The following SNX29 variants were observed in gnomAD, a reference collection of about 807,000 sequenced individuals.
SNX29 encodes the protein sorting nexin 29, also known as sorting nexin-29.
In SNX29, 78 loss-of-function variants were observed where a neutral mutation model predicts 102.1. The observed-to-expected ratio is 0.76, with a 90% CI of 0.64 to 0.92. The LOEUF (loss-of-function observed/expected upper bound fraction) is 0.92. Among genes scored for constraint, SNX29 ranks in the 40% least tolerant of loss-of-function variants. The pLI, the probability that SNX29 is intolerant of heterozygous loss-of-function variation, is 0.00. For missense variants in SNX29, 1,280 were observed against 1,061.7 expected, an observed-to-expected ratio of 1.21 and a Z score of -2.86; for synonymous variants, 580 against 414.5, an observed-to-expected ratio of 1.40 and a Z score of -4.85.
At chr16:12,035,062 T>C (rs930468473) in intron 4 of SNX29, among the ~76,000 whole-genome samples, 13 of 152,098 alleles carry the variant, frequency 8.5e-5, no homozygotes, top group African/African-American at 2.7e-4. Context: ...TGTCAGTTTT[T>C]AGATCACAGT....
intron 20 of SNX29, among the ~76,000 whole-genome samples, chr16:12,566,170 CT>C (rs2078997127): frequency 6.6e-6 from 1 of 152,212 alleles, no homozygotes; most frequent in Non-Finnish European, 1.5e-5. Flanking sequence ...TAGTTGGTGG[CT>C]TTAGGTAGCC....
At chr16:12,489,893 C>T (rs985877619) in intron 19 of SNX29, among the ~76,000 whole-genome samples, 3 of 152,124 alleles carry the variant, frequency 2.0e-5, no homozygotes, top group Non-Finnish European at 4.4e-5. Flanking sequence ...GCAACCTCTA[C>T]CTCCTGGGTT....
At chr16:12,061,277 G>A (rs574277340) in intron 8 of SNX29, among the ~76,000 whole-genome samples, 21 of 152,298 alleles carry the variant, frequency 1.4e-4, no homozygotes, top group African/African-American at 4.1e-4. Flanking sequence ...AGTATTCACT[G>A]GCTCTTTTGC....
intron 19 of SNX29, among the ~76,000 whole-genome samples, chr16:12,512,734 G>T (rs116423488): frequency 2.4e-4 from 36 of 152,030 alleles, no homozygotes; most frequent in African/African-American, 8.2e-4. Flanking sequence ...GGACAACTAG[G>T]TGCTGTTCAC....
intron 15 of SNX29, among the ~76,000 whole-genome samples, chr16:12,325,901 T>C (rs1409209519): frequency 6.6e-6 from 1 of 152,056 alleles, no homozygotes; most frequent in Non-Finnish European, 1.5e-5. Flanking sequence ...TGGGGGCATG[T>C]ACCCGTAGTT....
chr16:12,050,807 G>T (rs1254714962), intron 7 of SNX29, among the ~76,000 whole-genome samples: 1 of 151,838 alleles, frequency 6.6e-6, no homozygotes, highest in African/African-American at 2.4e-5. Flanking sequence ...TGCCTCCCGT[G>T]TTCAAGAAAT....
chr16:12,441,186 C>T (rs547515537), intron 18 of SNX29, among the ~76,000 whole-genome samples: 26 of 150,332 alleles, frequency 1.7e-4, no homozygotes, highest in African/African-American at 6.4e-4. Flanking sequence ...CTCCTGGGTT[C>T]CCGCCATTCT....
chr16:12,126,176 C>T (rs907057049), intron 11 of SNX29, among the ~76,000 whole-genome samples: 1 of 152,212 alleles, frequency 6.6e-6, no homozygotes, highest in Non-Finnish European at 1.5e-5. Flanking sequence ...ATACGGCTAC[C>T]TTATCTCCAT....
At chr16:12,306,905 G>A (rs1218496319) in intron 15 of SNX29, among the ~76,000 whole-genome samples, 1 of 152,176 alleles carries the variant, frequency 6.6e-6, no homozygotes, top group Admixed American at 6.5e-5. Flanking sequence ...TGCCATAAGA[G>A]AGGGCTTCGG....
intron 20 of SNX29, among the ~76,000 whole-genome samples, chr16:12,557,030 C>A (rs865828366): frequency 7.6e-6 from 1 of 131,230 alleles, no homozygotes; most frequent in African/African-American, 2.8e-5. Context: ...CCCCCCGCCC[C>A]AAGATGAGGT....
At chr16:12,400,796 A>G (rs1395488396) in intron 17 of SNX29, among the ~76,000 whole-genome samples, 1 of 152,064 alleles carries the variant, frequency 6.6e-6, no homozygotes. Flanking sequence ...CTACAATAAG[A>G]CTTGACTTCA....
chr16:12,532,900 C>T (rs2076970206), intron 20 of SNX29, among the ~76,000 whole-genome samples: 1 of 152,216 alleles, frequency 6.6e-6, no homozygotes, highest in Non-Finnish European at 1.5e-5. Flanking sequence ...CACCTAGCCC[C>T]AGAGCGTTAA....
intron 20 of SNX29, among the ~76,000 whole-genome samples, chr16:12,540,619 TAA>T (rs908193952): frequency 1.1e-4 from 17 of 152,176 alleles, no homozygotes; most frequent in Non-Finnish European, 1.3e-4. Context: ...GGGGTGGACC[TAA>T]AGAGTCCAGG....
intron 16 of SNX29, among the ~76,000 whole-genome samples, chr16:12,380,657 TCCAC>T (rs141240567): frequency 1.1e-4 from 5 of 45,594 alleles, no homozygotes; most frequent in African/African-American, 1.2e-4. Flanking sequence ...CCACCATCCA[TCCAC>T]CCACCCACCA....
Position 12,571,811 on chromosome 16 carries a change from C to T in SNX29, c.*3182C>T, listed in dbSNP as rs1468384841. 1.8e-5 allele frequency: 19 copies of T among 1,031,754 alleles called. No homozygotes were observed. The highest frequency in any genetic ancestry group is 3.3e-5 in the African/African-American group (2 of 60,180). The allele number at this position is 1,031,754 out of a possible 1,614,324, so 63.9% of individuals were successfully genotyped here. On this transcript the variant is annotated 3_prime_UTR_variant, in exon 21 of 21. Transcript: ENST00000566228. ...TCTTCCTGCAATCAGTGTGAAATTC[C>T]AGCTTCTTTGATTCCCACTTAGCAG...
At chr16:12,412,865 T>A (rs2084461297) in intron 18 of SNX29, among the ~76,000 whole-genome samples, 1 of 152,216 alleles carries the variant, frequency 6.6e-6, no homozygotes, top group South Asian at 2.1e-4. Flanking sequence ...GATCATACTC[T>A]CAGTAGCAAA....
In SNX29 at chr16:12,096,615, T is replaced by C. The variant is rs956087458; in HGVS notation, c.1402+17700T>C. 6.6e-6 allele frequency among the ~76,000 whole-genome samples: 1 copy of C among 152,120 alleles called. No homozygotes were observed. Among genetic ancestry groups the C allele is most frequent in the African/African-American group, 2.4e-5 (1 of 41,414 alleles). ...GTGGAGTTTTATGGTAATAAAGAAA[T>C]GATGAATGATTGGATGGGGCAAAAC... On this transcript the variant is annotated intron_variant, in intron 11 of 20. Coordinates refer to ENST00000566228, the MANE Select transcript of SNX29 (RefSeq NM_032167.5). This position sits in a 1 kb window ranked among gnomAD's most constrained non-coding sequence, Gnocchi z 4.2.
At chr16:12,541,411 A>G (rs1291382116) in intron 20 of SNX29, among the ~76,000 whole-genome samples, 1 of 152,134 alleles carries the variant, frequency 6.6e-6, no homozygotes, top group African/African-American at 2.4e-5. Context: ...AGATAAAGAA[A>G]CTGAGGCTCA....
In SNX29 at chr16:12,078,928, G is replaced by T. The variant is rs779501777; in HGVS notation, c.1402+13G>T. 2 of 1,587,530 alleles carry T rather than the reference G, an allele frequency of 1.3e-6. No individual in the cohort carries two copies. Among genetic ancestry groups the T allele is most frequent in the South Asian group, 2.3e-5 (2 of 86,878 alleles). ...TCCATGACAATTAGTAAGTACTTTC[G>T]CAGCCCCCTCCACCAGCTCTGGGAT... On this transcript the variant is annotated intron_variant, in intron 11 of 20. Coordinates refer to ENST00000566228, the MANE Select transcript of SNX29 (RefSeq NM_032167.5).
Sources: allele counts gnomAD v4.1 joint callset (sites outside exome capture counted in the v4.1 genomes callset), GRCh38; gene constraint gnomAD v4.1.1; non-coding constraint Gnocchi (gnomAD v3.1); transcripts MANE v1.5; gene names NCBI Gene and HGNC (gene_info 2026-07-23, HGNC 2026-07-21).